The following ABAT variants were observed in gnomAD, a reference collection of about 807,000 sequenced individuals.
ABAT encodes 4-aminobutyrate aminotransferase, mitochondrial.
In ABAT, 45 loss-of-function variants were observed where a neutral mutation model predicts 64.6. That is an observed-to-expected ratio of 0.70 (90% CI 0.55 to 0.89). ABAT has a LOEUF of 0.89. Ranked by LOEUF, ABAT falls within the 40% of genes least tolerant of loss-of-function variation. ABAT has a pLI of 0.00. For missense variants in ABAT, 633 were observed against 658.4 expected (o/e 0.96, Z 0.42); for synonymous variants, 297 against 250.5 (o/e 1.19, Z -1.75).
intron 1 of ABAT, among the ~76,000 whole-genome samples, chr16:8,685,409 G>T (rs1478371203): frequency 6.7e-6 from 1 of 150,142 alleles, no homozygotes; most frequent in African/African-American, 2.5e-5. Flanking sequence ...GGTGGCTCTC[G>T]CCTGTAATCC....
intron 1 of ABAT, among the ~76,000 whole-genome samples, chr16:8,721,646 T>C (rs1371132155): frequency 6.6e-6 from 1 of 152,210 alleles, no homozygotes; most frequent in African/African-American, 2.4e-5. Flanking sequence ...ATGTGGTAGG[T>C]GAACAGTAAG....
At position 8,764,291 on chromosome 16, in the gene ABAT, T is replaced by A; in HGVS notation, c.447+142T>A. On this transcript the variant is annotated intron_variant, in intron 7 of 15. Coordinates refer to ENST00000268251, the MANE Select transcript of ABAT (RefSeq NM_020686.6). The surrounding 1 kb of genome is among the most constrained non-coding windows in gnomAD (Gnocchi z 4.2). ...GCTTATTCTTCCATGCAGAGTATTT[T>A]AAATTTTTCTTTTAAAGGACAGAAG... The A allele has an allele frequency of 3.8e-6, 3 of 788,440 alleles. No individual in the cohort carries two copies. The highest frequency in any genetic ancestry group is 4.5e-5 in the Admixed American group (2 of 44,248). 48.8% of individuals were successfully genotyped at this position (788,440 alleles called of 1,614,324 possible). A position where few individuals can be genotyped will look rare whatever the true frequency, so the allele number is the denominator to read the frequency against.
chr16:8,700,294 G>T (rs148913367), intron 1 of ABAT, among the ~76,000 whole-genome samples: 170 of 152,286 alleles, frequency 1.1e-3, no homozygotes, highest in African/African-American at 3.7e-3. Context: ...GGACTTTCCT[G>T]ATATTCTCTT....
chr16:8,682,332 GA>G (rs1448207204), intron 1 of ABAT, among the ~76,000 whole-genome samples: 1 of 152,054 alleles, frequency 6.6e-6, no homozygotes, highest in Non-Finnish European at 1.5e-5. Context: ...TAGATTGATG[GA>G]TACATGTGTG....
At chr16:8,750,637 T>A in intron 5 of ABAT, 98 bp downstream of exon 5, 2 of 1,064,608 alleles carry the variant, frequency 1.9e-6, no homozygotes, top group Non-Finnish European at 2.9e-6. Context: ...AGCAGGCACA[T>A]CCCAGAGTGT....
At chr16:8,745,093 C>T (rs1465984909) in intron 2 of ABAT, among the ~76,000 whole-genome samples, 1 of 152,022 alleles carries the variant, frequency 6.6e-6, no homozygotes, top group African/African-American at 2.4e-5. Flanking sequence ...AGCAATCCTC[C>T]CACCTCAGCC....
chr16:8,779,577 T>C lies in ABAT; in HGVS notation c.1368T>C (p.Ile456=). 2 of 1,614,024 alleles carry C rather than the reference T, an allele frequency of 1.2e-6. No individual in the cohort carries two copies. The highest frequency in any genetic ancestry group is 8.5e-7 in the Non-Finnish European group (1 of 1,179,986). Residue 456 remains isoleucine (I), a synonymous_variant, in exon 15 of 16, where the codon ATT becomes ATC. Transcript: ENST00000268251. ...DDSIRNKLIL[I]ARNKGVVLGG... is the part of the protein sequence containing the mutation. ...CCATACGGAATAAGCTCATTTTAAT[T>C]GCCAGAAACAAAGGTAAGGGGTCAG...
chr16:8,742,893 G>A (rs921159390), intron 2 of ABAT, among the ~76,000 whole-genome samples: 3 of 144,372 alleles, frequency 2.1e-5, no homozygotes, highest in East Asian at 2.0e-4. Context: ...AAAAGTAGCC[G>A]GGCGCAGTGT....
intron 1 of ABAT, among the ~76,000 whole-genome samples, chr16:8,690,114 C>G (rs1289964): frequency 2.0e-5 from 3 of 152,148 alleles, no homozygotes; most frequent in Admixed American, 1.3e-4. Context: ...TCTCCCAGCT[C>G]CTGGCACTGA....
At chr16:8,767,822 C>T (rs970622859) in intron 9 of ABAT, among the ~76,000 whole-genome samples, 2 of 151,962 alleles carry the variant, frequency 1.3e-5, no homozygotes, top group African/African-American at 4.8e-5. Flanking sequence ...ATTACAGGCC[C>T]CCACCACCAT....
intron 1 of ABAT, among the ~76,000 whole-genome samples, chr16:8,691,490 A>T (rs558520639): frequency 1.3e-5 from 2 of 151,940 alleles, no homozygotes; most frequent in Admixed American, 1.3e-4. Flanking sequence ...CCTAGGTTGG[A>T]GTGCAGTGGC....
chr16:8,762,129 A>G (rs1026388070), intron 6 of ABAT, among the ~76,000 whole-genome samples: 1 of 151,960 alleles, frequency 6.6e-6, no homozygotes. Flanking sequence ...CTCCTAAGTG[A>G]CTGGGATTAT....
At chr16:8,683,410 C>T (rs530231658) in intron 1 of ABAT, 1 of 152,950 alleles carries the variant, frequency 6.5e-6, no homozygotes, top group East Asian at 1.9e-4. Context: ...GAGTGGAGGA[C>T]CACCAGCTTG....
In ABAT at chr16:8,772,934, G is replaced by A. The variant is rs896794473; in HGVS notation, c.954+17G>A. 22 of 1,612,826 alleles carry A rather than the reference G, an allele frequency of 1.4e-5. No individual in the cohort carries two copies. The highest frequency in any genetic ancestry group is 5.3e-5 in the African/African-American group (4 of 74,824). On this transcript the variant is annotated intron_variant, in intron 12 of 15. Coordinates refer to ENST00000268251, the MANE Select transcript of ABAT (RefSeq NM_020686.6). ...GCCAGGAAGGTCAGTGGACAGGGCC[G>A]AGGTTGGATGGAGCCATTGGGTTTT... is the stretch of plus-strand genomic sequence containing the variant.
chr16:8,723,912 C>T (rs1304285136), intron 1 of ABAT, among the ~76,000 whole-genome samples: 3 of 136,422 alleles, frequency 2.2e-5, no homozygotes, highest in Non-Finnish European at 4.5e-5. Flanking sequence ...ATGATCTAGG[C>T]TCACTGCAAC....
rs552995764 is a variant in ABAT at position 8,744,083 on chromosome 16, A to G, written c.71-1918A>G. On this transcript the variant is annotated intron_variant, in intron 2 of 15. Transcript: ENST00000268251. Reference sequence around the variant, plus strand: ...CAAACACCCTCTGTAAACTCATTACACATTATGTGGAAAATGTGAAATGCA... The same window carrying G: ...CAAACACCCTCTGTAAACTCATTACGCATTATGTGGAAAATGTGAAATGCA... Among the ~76,000 whole-genome samples the G allele has an allele frequency of 2.7e-4, 41 of 152,328 alleles. No individual in the cohort carries two copies. In the South Asian group the frequency reaches 4.1e-3, roughly 15 times the overall value.
At chr16:8,761,810 A>G (rs910242519) in intron 6 of ABAT, among the ~76,000 whole-genome samples, 1 of 152,140 alleles carries the variant, frequency 6.6e-6, no homozygotes, top group African/African-American at 2.4e-5. Flanking sequence ...CCAGGTCACC[A>G]AAGTCCCAAG....
chr16:8,767,874 C>G (rs2059990875), intron 9 of ABAT, among the ~76,000 whole-genome samples: 2 of 152,140 alleles, frequency 1.3e-5, no homozygotes, highest in African/African-American at 4.8e-5. Context: ...CGGGGTTTCA[C>G]CATGTTGGCC....
intron 1 of ABAT, among the ~76,000 whole-genome samples, chr16:8,719,996 AG>A (rs1453534662): frequency 5.9e-5 from 9 of 152,132 alleles, no homozygotes; most frequent in Admixed American, 5.9e-4. Context: ...ATTTTTTTGT[AG>A]AGTTGGGACT....
Sources: allele counts gnomAD v4.1 joint callset (sites outside exome capture counted in the v4.1 genomes callset), GRCh38; gene constraint gnomAD v4.1.1; non-coding constraint Gnocchi (gnomAD v3.1); transcripts MANE v1.5; gene names NCBI Gene and HGNC (gene_info 2026-07-23, HGNC 2026-07-21).